Variants in LUC7L observed in about 807,000 individuals in gnomAD.
LUC7L encodes the protein putative RNA-binding protein Luc7-like 1.
Under a neutral mutation model 51.1 loss-of-function variants are expected in LUC7L, and 29 were observed. The observed-to-expected ratio is 0.57, with a 90% CI of 0.42 to 0.77. The LOEUF is 0.77. Ranked by LOEUF, LUC7L falls within the 30% of genes least tolerant of loss-of-function variation. The pLI is 0.00. For missense variants in LUC7L, 403 were observed against 511.9 expected, an observed-to-expected ratio of 0.79 and a Z score of 2.05; for synonymous variants, 181 against 180.7, an observed-to-expected ratio of 1.00 and a Z score of -0.01.
chr16:223,303 C>T (rs2050028202), intron 2 of LUC7L, among the ~76,000 whole-genome samples: 1 of 151,882 alleles, frequency 6.6e-6, no homozygotes, highest in Admixed American at 6.6e-5. Flanking sequence ...GAGTCAAGAT[C>T]GCACCACTGC....
intron 3 of LUC7L, chr16:209,760 G>C (rs1453872180): frequency 2.6e-5 from 4 of 152,144 alleles, no homozygotes; most frequent in Admixed American, 1.3e-4. Flanking sequence ...GAGACAGTAG[G>C]TCAGCTGTAA....
At chr16:202,179 C>G (rs1439323623) in intron 5 of LUC7L, among the ~76,000 whole-genome samples, 2 of 152,136 alleles carry the variant, frequency 1.3e-5, no homozygotes, top group Non-Finnish European at 2.9e-5. Context: ...CATACCCACC[C>G]TCCATAAGCT....
At chr16:226,388 T>G (rs957086844) in intron 2 of LUC7L, among the ~76,000 whole-genome samples, 1 of 152,232 alleles carries the variant, frequency 6.6e-6, no homozygotes, top group Non-Finnish European at 1.5e-5. Flanking sequence ...CTCAGTGGCG[T>G]AATCACCACA....
intron 1 of LUC7L, chr16:228,748 G>C (rs565883061): frequency 5.5e-6 from 7 of 1,265,808 alleles, no homozygotes; most frequent in Non-Finnish European, 7.2e-6. Context: ...CTGTGTGCTG[G>C]GGGGAAGGGG....
intron 4 of LUC7L, among the ~76,000 whole-genome samples, chr16:206,478 G>A (rs755496937): frequency 5.9e-5 from 9 of 152,146 alleles, no homozygotes; most frequent in Non-Finnish European, 1.2e-4. Flanking sequence ...GATTTAAGCT[G>A]TAACCAAAAT....
chr16:225,099 C>T (rs376895136), intron 2 of LUC7L, among the ~76,000 whole-genome samples: 1 of 152,086 alleles, frequency 6.6e-6, no homozygotes. Context: ...GTGTGTCAGG[C>T]GTTTTTTACT....
intron 5 of LUC7L, among the ~76,000 whole-genome samples, chr16:204,629 G>A (rs746095436): frequency 1.1e-4 from 16 of 151,688 alleles, no homozygotes; most frequent in Non-Finnish European, 1.9e-4. Flanking sequence ...ATAAGGAAGA[G>A]AAAATAAAAT....
intron 5 of LUC7L, among the ~76,000 whole-genome samples, chr16:200,274 A>G (rs956750940): frequency 2.0e-5 from 3 of 151,936 alleles, no homozygotes; most frequent in African/African-American, 7.3e-5. Context: ...AACAGAAAAA[A>G]TTAGCTGGGC....
At chr16:217,699 C>G (rs934312918) in intron 3 of LUC7L, among the ~76,000 whole-genome samples, 2 of 142,590 alleles carry the variant, frequency 1.4e-5, no homozygotes, top group African/African-American at 5.4e-5. Flanking sequence ...AAGAGTGAGA[C>G]TCTGTTTCAA....
intron 1 of LUC7L, chr16:227,888 T>G: frequency 1.0e-6 from 1 of 1,000,796 alleles, no homozygotes; most frequent in Non-Finnish European, 1.2e-6. Context: ...AAAAAGAGAG[T>G]TGCTACCTGG....
chr16:224,786 T>C (rs1255286338), intron 2 of LUC7L, among the ~76,000 whole-genome samples: 1 of 151,492 alleles, frequency 6.6e-6, no homozygotes, highest in African/African-American at 2.4e-5. Flanking sequence ...TGAGCAGAGA[T>C]AGCACCATGC....
chr16:206,646 C>T (rs560719429), intron 4 of LUC7L, among the ~76,000 whole-genome samples: 1 of 152,218 alleles, frequency 6.6e-6, no homozygotes, highest in African/African-American at 2.4e-5. Flanking sequence ...ATGTAAATGG[C>T]ACTCAGTCTA....
intron 2 of LUC7L, among the ~76,000 whole-genome samples, chr16:222,229 G>T (rs368147098): frequency 6.6e-6 from 1 of 151,484 alleles, no homozygotes; most frequent in Non-Finnish European, 1.5e-5. Flanking sequence ...TTTGTGTGCT[G>T]AGGATCATCG....
At chr16:212,071 A>G (rs1292923400) in intron 3 of LUC7L, among the ~76,000 whole-genome samples, 1 of 152,166 alleles carries the variant, frequency 6.6e-6, no homozygotes, top group Non-Finnish European at 1.5e-5. Flanking sequence ...AGGTGGGTGG[A>G]TCACCTGAGG....
Position 229,269 on chromosome 16 carries a change from T to C in LUC7L, c.61+10A>G. 1 of 1,535,026 alleles carries C rather than the reference T, an allele frequency of 6.5e-7. No individual in the cohort carries two copies. Among genetic ancestry groups the C allele is most frequent in the Non-Finnish European group, 8.7e-7 (1 of 1,147,932 alleles). ...CCCAGACCCTCGCCTGGTTGGCCGCTCTGACTCACCGTCCCGAGCCGTGCC... is the reference window on the plus strand; with the variant it reads ...CCCAGACCCTCGCCTGGTTGGCCGCCCTGACTCACCGTCCCGAGCCGTGCC... On this transcript the variant is annotated intron_variant, in intron 1 of 9. Coordinates refer to ENST00000293872, the MANE Select transcript of LUC7L (RefSeq NM_201412.3).
chr16:200,063 C>T (rs1252957874), intron 5 of LUC7L, among the ~76,000 whole-genome samples: 2 of 151,582 alleles, frequency 1.3e-5, no homozygotes, highest in Non-Finnish European at 2.9e-5. Flanking sequence ...CCAAGGCAGA[C>T]AGATCACTTG....
intron 6 of LUC7L, among the ~76,000 whole-genome samples, chr16:196,432 AAAAC>A (rs1474061976): frequency 1.3e-5 from 2 of 152,132 alleles, no homozygotes; most frequent in Non-Finnish European, 2.9e-5. Flanking sequence ...ACAAACAAAA[AAAAC>A]CCAACAACTA....
At chr16:189,567 A>G in intron 9 of LUC7L, 1 of 1,385,090 alleles carries the variant, frequency 7.2e-7, no homozygotes, top group Non-Finnish European at 9.3e-7. Context: ...TCACTGTAAC[A>G]TAAACAGTGC....
chr16:222,576 T>C (rs776261764), intron 2 of LUC7L, among the ~76,000 whole-genome samples: 7 of 151,538 alleles, frequency 4.6e-5, no homozygotes, highest in South Asian at 4.2e-4. Context: ...AGGTCAAGGC[T>C]TCAAGTGAGC....
Sources: allele counts gnomAD v4.1 joint callset (sites outside exome capture counted in the v4.1 genomes callset), GRCh38; gene constraint gnomAD v4.1.1; transcripts MANE v1.5; gene names NCBI Gene and HGNC (gene_info 2026-07-23, HGNC 2026-07-21).